Variants in BTAF1 observed in about 807,000 individuals in gnomAD.
BTAF1 encodes the protein B-TFIID TATA-box binding protein associated factor 1.
In BTAF1, 38 loss-of-function variants were observed where a neutral mutation model predicts 227.1. The observed-to-expected ratio is 0.17, with a 90% CI of 0.13 to 0.22. BTAF1 has a LOEUF of 0.22. BTAF1 is among the 10% of genes least tolerant of loss of function. The pLI, the probability that BTAF1 is intolerant of heterozygous loss-of-function variation, is 1.00. For synonymous variants in BTAF1, 742 were observed against 751.9 expected, an observed-to-expected ratio of 0.99 and a Z score of 0.21; for missense variants, 1,598 against 2,204.0, an observed-to-expected ratio of 0.73 and a Z score of 5.51.
chr10:92,008,020 T>G, intron 25 of BTAF1, 103 bp from the exon 26 acceptor site: 4 of 1,116,042 alleles, frequency 3.6e-6, no homozygotes, highest in Non-Finnish European at 3.9e-6. Context: ...CTTTGTACAA[T>G]TTTCAGAATT....
chr10:91,944,297 G>A (rs372203265), intron 4 of BTAF1, among the ~76,000 whole-genome samples: 3 of 152,266 alleles, frequency 2.0e-5, no homozygotes, highest in Admixed American at 6.5e-5. Context: ...CTGTAGTTAG[G>A]TTTTCTTTAA....
chr10:92,025,084 T>C (rs536677537), intron 35 of BTAF1, 117 bp downstream of exon 35: 6 of 838,230 alleles, frequency 7.2e-6, no homozygotes, highest in South Asian at 1.8e-5. Context: ...TTTAATTGTG[T>C]AATTCACCCC....
At chr10:91,975,938 TATC>T (rs1054000818) in intron 14 of BTAF1, among the ~76,000 whole-genome samples, 3 of 152,186 alleles carry the variant, frequency 2.0e-5, no homozygotes, top group African/African-American at 7.2e-5. Flanking sequence ...GCCAACTTGG[TATC>T]ATACAATTCA....
rs769253691 is a variant in BTAF1 at position 92,027,244 on chromosome 10, T to G, written c.5350T>G (p.Ser1784Ala). 6.2e-7 allele frequency: 1 copy of G among 1,613,980 alleles called. No homozygotes were observed. Among genetic ancestry groups the G allele is most frequent in the South Asian group, 1.1e-5 (1 of 91,064 alleles). ...GAATACTGTTATTAGCCAAGAGAAT[T>G]CTAGTTTGCAGAGCATGGGGACTGA... is the stretch of plus-strand genomic sequence containing the variant. The part of the protein sequence containing the change: ...IANTVISQEN[S>A]SLQSMGTDQL... Residue 1784 changes from serine (S) to alanine (A), a missense_variant, in exon 37 of 38, where the codon TCT becomes GCT. Ser to Ala is a moderately conservative substitution (Grantham distance 99, BLOSUM62 1). Coordinates refer to ENST00000265990, the MANE Select transcript of BTAF1 (RefSeq NM_003972.3).
chr10:92,020,040 C>G (rs1277577852), intron 34 of BTAF1, among the ~76,000 whole-genome samples: 1 of 151,892 alleles, frequency 6.6e-6, no homozygotes. Context: ...CTTTATAATT[C>G]TGGATATTAA....
intron 14 of BTAF1, among the ~76,000 whole-genome samples, chr10:91,977,272 A>T (rs1373125432): frequency 6.6e-6 from 1 of 152,198 alleles, no homozygotes; most frequent in Admixed American, 6.5e-5. Flanking sequence ...CGGAAGGCAG[A>T]TCAGAGGAAG....
chr10:91,940,295 A>G (rs1194946460), intron 3 of BTAF1, among the ~76,000 whole-genome samples: 1 of 152,084 alleles, frequency 6.6e-6, no homozygotes, highest in African/African-American at 2.4e-5. Flanking sequence ...TACAAATTCT[A>G]CAGTATGCTT....
rs1351043885 is a variant in BTAF1 at position 91,923,847 on chromosome 10, C to CT, written c.-229dup. ...GTTTGAAGTCGTGCGGGTCGGAGGA[C>CT]TGCCGCCTCCGCTACCGTCTTGGAC... On this transcript the variant is annotated 5_prime_UTR_variant, in exon 1 of 38. Transcript: ENST00000265990. 1 of 456,898 alleles carries CT rather than the reference C, an allele frequency of 2.2e-6. No individual in the cohort carries two copies. Among genetic ancestry groups the CT allele is most frequent in the Non-Finnish European group, 3.9e-6 (1 of 259,228 alleles). 28.3% of individuals were successfully genotyped at this position (456,898 alleles called of 1,614,324 possible).
At chr10:91,935,027 A>C (rs1844509704) in intron 1 of BTAF1, 3 of 152,170 alleles carry the variant, frequency 2.0e-5, no homozygotes. Context: ...CTTCAACCCC[A>C]GTAGCAAGTT....
intron 1 of BTAF1, among the ~76,000 whole-genome samples, chr10:91,929,766 G>T (rs1319353253): frequency 6.6e-6 from 1 of 152,026 alleles, no homozygotes; most frequent in Non-Finnish European, 1.5e-5. Context: ...GTGTTGGCCA[G>T]GGTGGTCTTA....
intron 1 of BTAF1, among the ~76,000 whole-genome samples, chr10:91,925,803 C>T (rs1843789087): frequency 6.6e-6 from 1 of 152,200 alleles, no homozygotes; most frequent in South Asian, 2.1e-4. Flanking sequence ...AGCCACCGCG[C>T]CCAGCCAACA....
intron 1 of BTAF1, among the ~76,000 whole-genome samples, chr10:91,933,490 G>C (rs756154764): frequency 2.0e-5 from 3 of 152,164 alleles, no homozygotes; most frequent in Non-Finnish European, 4.4e-5. Flanking sequence ...TTCATATTAA[G>C]AGTATTAAGA....
intron 11 of BTAF1, among the ~76,000 whole-genome samples, chr10:91,961,527 C>G (rs988511540): frequency 5.9e-5 from 9 of 151,642 alleles, no homozygotes; most frequent in African/African-American, 1.5e-4. Flanking sequence ...ACTCTCTGTC[C>G]AACTCTTTTC....
At position 91,982,595 on chromosome 10, in the gene BTAF1, G is replaced by C; in HGVS notation, c.2057G>C (p.Gly686Ala). The C allele has an allele frequency of 6.2e-7, 1 of 1,612,526 alleles. No individual in the cohort carries two copies. The highest frequency in any genetic ancestry group is 8.5e-7 in the Non-Finnish European group (1 of 1,179,324). ...CTTTTTCTCCCTCTTAGGTTGTTAG[G>C]AGCACTTTGTTGCTGTATTTGTGAT... ...RARMMAAKLL[G>A]ALCCCICDPG... Residue 686 changes from glycine (G) to alanine (A), a missense_variant, in exon 18 of 38, where the codon GGA (glycine) becomes GCA (alanine). Physicochemically the swap from Gly to Ala is moderately conservative, Grantham distance 60. Transcript: ENST00000265990.
At chr10:91,997,169 A>G in intron 24 of BTAF1, 1 of 1,284,748 alleles carries the variant, frequency 7.8e-7, no homozygotes, top group South Asian at 1.2e-5. Context: ...AACTGCGCTT[A>G]CTAGGCTCAC....
chr10:92,002,215 A>G (rs1297532904), intron 25 of BTAF1, among the ~76,000 whole-genome samples: 1 of 152,214 alleles, frequency 6.6e-6, no homozygotes, highest in Admixed American at 6.5e-5. Context: ...AGAAACAAGA[A>G]TGATGTCGTT....
chr10:91,941,050 G>A (rs1194602996), intron 3 of BTAF1, among the ~76,000 whole-genome samples: 2 of 152,048 alleles, frequency 1.3e-5, no homozygotes, highest in South Asian at 2.1e-4. Flanking sequence ...ATAAGTCTTA[G>A]CTTGCCTAAT....
At chr10:91,933,739 G>C (rs1341108711) in intron 1 of BTAF1, among the ~76,000 whole-genome samples, 1 of 152,194 alleles carries the variant, frequency 6.6e-6, no homozygotes, top group Admixed American at 6.5e-5. Flanking sequence ...AATTGTGTAT[G>C]ATGAGGAAAT....
rs576268454 is a variant in BTAF1 at position 91,981,951 on chromosome 10, T to C, written c.1906-132T>C. The C allele has an allele frequency of 1.1e-5, 15 of 1,351,234 alleles. No individual in the cohort carries two copies. The South Asian group carries it at 1.9e-4, about 17-fold the overall frequency. The allele number at this position is 1,351,234 out of a possible 1,614,324, so 83.7% of individuals were successfully genotyped here. A position where few individuals can be genotyped will look rare whatever the true frequency, so the allele number is the denominator to read the frequency against. ...AGGACCCTGACAAAATGAATAGTAATGTTTATCCATTAAAATTTTGTGAAA... is the reference window on the plus strand; with the variant it reads ...AGGACCCTGACAAAATGAATAGTAACGTTTATCCATTAAAATTTTGTGAAA... On this transcript the variant is annotated intron_variant, in intron 16 of 37. Coordinates refer to ENST00000265990, the MANE Select transcript of BTAF1 (RefSeq NM_003972.3).
Sources: gnomAD v4.1 joint callset for allele counts (sites outside exome capture counted in the v4.1 genomes callset) on GRCh38, gnomAD v4.1.1 for gene constraint, MANE v1.5 for transcripts, NCBI Gene and HGNC (gene_info 2026-07-23, HGNC 2026-07-21) for gene names.